The following NME9 variants were observed in gnomAD, a reference collection of about 807,000 sequenced individuals.
The protein encoded by NME9 is NME/NM23 family member 9.
Under a neutral mutation model 44.4 loss-of-function variants are expected in NME9, and 48 were observed. That is an observed-to-expected ratio of 1.08 (90% CI 0.86 to 1.37). The LOEUF (loss-of-function observed/expected upper bound fraction) is 1.37, where lower values mean the gene tolerates loss of function less well. NME9 is among the 40% of genes most tolerant of loss of function. The pLI is 0.00. For synonymous variants in NME9, 139 were observed against 147.1 expected (o/e 0.94, Z 0.40); for missense variants, 325 against 405.2 (o/e 0.80, Z 1.70).
chr3:138,325,448 G>C (rs2053724206), intron 1 of NME9, among the ~76,000 whole-genome samples: 1 of 149,460 alleles, frequency 6.7e-6, no homozygotes, highest in South Asian at 2.1e-4. Context: ...CTGTCACCCA[G>C]GCTGGAGTGC....
In NME9 at chr3:138,267,151, A is replaced by G. The variant is rs74544917; in HGVS notation, c.746-4565T>C. 2.7e-3 allele frequency: 4,023 copies of G among 1,513,162 alleles called. 97 individuals are homozygous for G. In the African/African-American group the frequency reaches 0.05, roughly 19 times the overall value. The allele number at this position is 1,513,162 out of a possible 1,614,324, so 93.7% of individuals were successfully genotyped here. A position where few individuals can be genotyped will look rare whatever the true frequency, so the allele number is the denominator to read the frequency against. ...ATTAGTAGTATCCTTTTTTAATTCC[A>G]TAGGTTTTACAAAATGCACCAGATG... On this transcript the variant is annotated intron_variant, in intron 8 of 8. Transcript: ENST00000317876.
At position 138,315,622 on chromosome 3, in the gene NME9, C is replaced by A; in HGVS notation, c.289G>T (p.Val97Phe). Residue 97 changes from valine (V) to phenylalanine (F), a missense_variant, in exon 5 of 11, where the codon GTT becomes TTT. Val to Phe is a conservative substitution (Grantham distance 50). Coordinates refer to ENST00000333911, the MANE Select transcript of NME9 (RefSeq NM_001349018.2). ...AGCAGTGGGGCATTTGCTCCTCTAA[C>A]CACAGCCACCAGTTCTCCTCCCTAG... ...FYAGGELVAV[V>F]RGANAPLLQK... 1 of 1,536,472 alleles carries A rather than the reference C, an allele frequency of 6.5e-7. No homozygotes were observed. The highest frequency in any genetic ancestry group is 2.4e-5 in the East Asian group (1 of 40,918).
In NME9 at chr3:138,306,670, G is replaced by A. The variant is rs549368863; in HGVS notation, c.461-190C>T. Among the ~76,000 whole-genome samples, 123 of 152,344 alleles carry A rather than the reference G, an allele frequency of 8.1e-4. 2 individuals carry two copies. The highest frequency in any genetic ancestry group is 2.8e-3 in the African/African-American group (115 of 41,570). On this transcript the variant is annotated intron_variant, in intron 6 of 10. Coordinates refer to ENST00000333911, the MANE Select transcript of NME9 (RefSeq NM_001349018.2). ...AACCTGGACTCTGGTGGATGCACCA[G>A]TCTGACTCCAGACCTGAGGCCAGAC...
chr3:138,266,242 C>T (rs988215705), intron 8 of NME9, among the ~76,000 whole-genome samples: 3 of 152,122 alleles, frequency 2.0e-5, no homozygotes, highest in African/African-American at 7.2e-5. Flanking sequence ...GCTTCCTGAA[C>T]CTCATTAAGA....
At chr3:138,262,722 CA>C (rs2047877426) in intron 8 of NME9, 2 of 893,146 alleles carry the variant, frequency 2.2e-6, no homozygotes, top group Admixed American at 3.3e-5. Context: ...TCTGCAAGGA[CA>C]ACCAAGGTTA....
rs891689490 is a variant in NME9 at position 138,329,599 on chromosome 3, C to T, written c.-264G>A. 8 of 1,319,562 alleles carry T rather than the reference C, an allele frequency of 6.1e-6. No homozygotes were observed. The African/African-American group carries it at 9.2e-5, about 15-fold the overall frequency. The allele number at this position is 1,319,562 out of a possible 1,614,324, so 81.7% of individuals were successfully genotyped here. On this transcript the variant is annotated 5_prime_UTR_variant, in exon 1 of 11. Coordinates refer to ENST00000333911, the MANE Select transcript of NME9 (RefSeq NM_001349018.2). ...CGGTTTTCTGGGGATCTGCGAAGCC[C>T]CCTCCCCACCCCGGAGCCGGCCAGG... is the stretch of plus-strand genomic sequence containing the variant.
At chr3:138,274,209 TATG>T (rs2049050164) in intron 8 of NME9, among the ~76,000 whole-genome samples, 1 of 151,122 alleles carries the variant, frequency 6.6e-6, no homozygotes, top group East Asian at 1.9e-4. Context: ...TGTATGTATG[TATG>T]TATGTGTAAT....
chr3:138,327,614 A>G (rs1300752080), intron 1 of NME9, among the ~76,000 whole-genome samples: 3 of 152,182 alleles, frequency 2.0e-5, no homozygotes, highest in Non-Finnish European at 4.4e-5. Context: ...TGCCTGTCTC[A>G]GTTATAAAGG....
intron 8 of NME9, chr3:138,264,297 G>C (rs1031582923): frequency 2.0e-6 from 2 of 1,006,680 alleles, no homozygotes; most frequent in Non-Finnish European, 3.1e-6. Context: ...CCTGGTCTAG[G>C]AGTATGTCTG....
At chr3:138,288,934 G>C in intron 8 of NME9, 2 of 780,992 alleles carry the variant, frequency 2.6e-6, no homozygotes, top group Non-Finnish European at 4.2e-6. Context: ...ACCTCACCTG[G>C]CCCTGCTTCA....
At position 138,288,913 on chromosome 3, in the gene NME9, AG is replaced by A. The variant is rs2050684635; in HGVS notation, c.745+14593del. 5 of 645,886 alleles carry A rather than the reference AG, an allele frequency of 7.7e-6. No homozygotes were observed. In the Admixed American group the frequency reaches 1.3e-4, roughly 17 times the overall value. 40.0% of individuals were successfully genotyped at this position (645,886 alleles called of 1,614,324 possible). On this transcript the variant is annotated intron_variant, in intron 8 of 8. Transcript: ENST00000317876. ...TGGTCTCCCAAAGTGCTGGGATTAC[AG>A]GCATGAGCCACCTCACCTGGCCCTG...
Position 138,268,135 on chromosome 3 carries a change from C to T in NME9, c.746-5549G>A, listed in dbSNP as rs569282913. Among the ~76,000 whole-genome samples, 13 of 152,012 alleles carry T rather than the reference C, an allele frequency of 8.6e-5. No homozygotes were observed. The East Asian group carries it at 1.2e-3, about 14-fold the overall frequency. Reference sequence around the variant, plus strand: ...GTGCATGCTTGTAATCCCAGCTACTCGGGAGGCTGAGGCAAGAGAATCACT... The same window carrying T: ...GTGCATGCTTGTAATCCCAGCTACTTGGGAGGCTGAGGCAAGAGAATCACT... On this transcript the variant is annotated intron_variant, in intron 8 of 8. Transcript: ENST00000317876.
In NME9 at chr3:138,301,239, C is replaced by T. The variant is rs2051825651; in HGVS notation, c.*401G>A. ...ATTATTATTAAGATGGAGTCTCACT[C>T]TGTCACCCAGGCTGGAGTGCAGTGG... On this transcript the variant is annotated 3_prime_UTR_variant, in exon 11 of 11. Transcript: ENST00000333911. 6 of 579,834 alleles carry T rather than the reference C, an allele frequency of 1.0e-5. No individual in the cohort carries two copies. Among genetic ancestry groups the T allele is most frequent in the Non-Finnish European group, 1.3e-5 (6 of 457,058 alleles). 35.9% of individuals were successfully genotyped at this position (579,834 alleles called of 1,614,324 possible).
intron 8 of NME9, 94 bp from the exon 9 acceptor site, chr3:138,305,121 G>T (rs1424730203): frequency 1.7e-6 from 2 of 1,185,320 alleles, no homozygotes; most frequent in East Asian, 2.4e-5. Flanking sequence ...ATGGGAGGGA[G>T]TTAGTGAGCA....
chr3:138,292,646 A>T (rs750047341), intron 8 of NME9, among the ~76,000 whole-genome samples: 5 of 152,182 alleles, frequency 3.3e-5, no homozygotes, highest in Non-Finnish European at 7.3e-5. Flanking sequence ...GGAATATAGA[A>T]GTGGGTTGCG....
At chr3:138,274,255 G>A (rs1463821803) in intron 8 of NME9, among the ~76,000 whole-genome samples, 1 of 152,034 alleles carries the variant, frequency 6.6e-6, no homozygotes, top group East Asian at 1.9e-4. Flanking sequence ...GTGTGTGTGT[G>A]TGTGTATGAC....
chr3:138,323,331 G>T (rs558388735), intron 2 of NME9, among the ~76,000 whole-genome samples: 1 of 152,294 alleles, frequency 6.6e-6, no homozygotes, highest in East Asian at 1.9e-4. Flanking sequence ...CAGGAGAATC[G>T]CTTGAACCCC....
chr3:138,271,798 C>CTTTTTTTTTTTTTTTTTT (rs776320900), intron 8 of NME9, among the ~76,000 whole-genome samples: 8 of 136,134 alleles, frequency 5.9e-5, no homozygotes, highest in African/African-American at 2.3e-4. Flanking sequence ...TTTTTTCTTT[C>CTTTTTTTTTTTTTTTTTT]TTTTTTTTTT....
chr3:138,293,536 CA>C (rs1417440633), intron 8 of NME9, among the ~76,000 whole-genome samples: 60 of 140,990 alleles, frequency 4.3e-4, no homozygotes, highest in Admixed American at 5.0e-4. Context: ...AAGACTGTCT[CA>C]AAAAAAAAAA....
Sources: gnomAD v4.1 joint callset for allele counts (sites outside exome capture counted in the v4.1 genomes callset) on GRCh38, gnomAD v4.1.1 for gene constraint, MANE v1.5 for transcripts, NCBI Gene and HGNC (gene_info 2026-07-23, HGNC 2026-07-21) for gene names.